Variants in DPYD observed in about 807,000 individuals in gnomAD.
DPYD encodes dihydropyrimidine dehydrogenase [NADP(+)].
In DPYD, 109 loss-of-function variants were observed where a neutral mutation model predicts 116.2. The observed-to-expected ratio is 0.94, with a 90% CI of 0.80 to 1.10. The LOEUF is 1.10. Among genes scored for constraint, DPYD ranks in the 50% least tolerant of loss-of-function variants. The probability of loss-of-function intolerance (pLI) is 0.00; values close to 1 mark genes in which losing one functional copy is unlikely to be tolerated. For missense variants in DPYD, 1,302 were observed against 1,254.5 expected (o/e 1.04, Z -0.57); for synonymous variants, 440 against 432.0 (o/e 1.02, Z -0.23).
intron 8 of DPYD, among the ~76,000 whole-genome samples, chr1:97,600,705 T>C (rs1655195147): frequency 6.6e-6 from 1 of 152,200 alleles, no homozygotes. Flanking sequence ...TGCACAGATG[T>C]GAAATAAATG....
intron 20 of DPYD, among the ~76,000 whole-genome samples, chr1:97,180,428 C>T (rs1657569641): frequency 6.6e-6 from 1 of 151,996 alleles, no homozygotes; most frequent in Non-Finnish European, 1.5e-5. Flanking sequence ...TTCTTTACTC[C>T]ATAAAATGAG....
chr1:97,137,641 T>C (rs1653912330), intron 20 of DPYD, among the ~76,000 whole-genome samples: 1 of 152,210 alleles, frequency 6.6e-6, no homozygotes, highest in South Asian at 2.1e-4. Flanking sequence ...TACTTTAATA[T>C]TGCTGGTTTG....
intron 13 of DPYD, among the ~76,000 whole-genome samples, chr1:97,491,228 T>C (rs1678958660): frequency 6.8e-6 from 1 of 147,980 alleles, no homozygotes. Context: ...TTGTATATTA[T>C]ATACCACTAA....
At chr1:97,173,291 T>C (rs5027690) in intron 20 of DPYD, among the ~76,000 whole-genome samples, 10,361 of 87,660 alleles carry the variant, frequency 0.12, 455 homozygotes, top group Non-Finnish European at 0.15. Flanking sequence ...CACATATATG[T>C]ACACATATGT....
chr1:97,397,064 C>T (rs1053555823), intron 14 of DPYD, among the ~76,000 whole-genome samples: 1 of 152,032 alleles, frequency 6.6e-6, no homozygotes, highest in African/African-American at 2.4e-5. Flanking sequence ...TCATTTGGTG[C>T]AGGATTGCCT....
At chr1:97,574,336 AAAAT>A (rs1391164098) in intron 10 of DPYD, among the ~76,000 whole-genome samples, 4 of 152,112 alleles carry the variant, frequency 2.6e-5, no homozygotes, top group Non-Finnish European at 5.9e-5. Flanking sequence ...GCTGCATATT[AAAAT>A]AAATACTTCT....
intron 16 of DPYD, among the ~76,000 whole-genome samples, chr1:97,334,025 T>C (rs1248695417): frequency 6.6e-6 from 1 of 152,204 alleles, no homozygotes; most frequent in Non-Finnish European, 1.5e-5. Context: ...GTTCTGTTTC[T>C]ATAGACTCAT....
chr1:97,675,858 C>T (rs193166493), intron 8 of DPYD, among the ~76,000 whole-genome samples: 2 of 151,662 alleles, frequency 1.3e-5, no homozygotes, highest in Middle Eastern at 3.4e-3. Context: ...AAGCGATTCT[C>T]CTGCTTCAGC....
chr1:97,344,676 C>T (rs1348951867), intron 16 of DPYD, among the ~76,000 whole-genome samples: 2 of 151,656 alleles, frequency 1.3e-5, no homozygotes, highest in East Asian at 3.9e-4. Flanking sequence ...AGAGATCTAT[C>T]TCACTGTTTT....
intron 1 of DPYD, among the ~76,000 whole-genome samples, chr1:97,901,472 G>T (rs1353685831): frequency 6.6e-6 from 1 of 151,802 alleles, no homozygotes; most frequent in Non-Finnish European, 1.5e-5. Flanking sequence ...CAAATGAAAA[G>T]AAAGAGACAA....
chr1:97,748,394 G>A (rs1472926277), intron 3 of DPYD, among the ~76,000 whole-genome samples: 1 of 152,094 alleles, frequency 6.6e-6, no homozygotes, highest in African/African-American at 2.4e-5. Flanking sequence ...GGATCACGTG[G>A]TCAGGAGATA....
chr1:97,866,819 C>T (rs1363011106), intron 2 of DPYD, among the ~76,000 whole-genome samples: 1 of 151,690 alleles, frequency 6.6e-6, no homozygotes, highest in Middle Eastern at 3.2e-3. Context: ...GTATATAAAA[C>T]AACATAAAGA....
intron 8 of DPYD, among the ~76,000 whole-genome samples, chr1:97,649,873 G>A (rs573818544): frequency 3.0e-4 from 46 of 152,168 alleles, no homozygotes; most frequent in African/African-American, 1.1e-3. Context: ...TTGTATGCCT[G>A]GATAGATTAG....
At chr1:97,193,339 T>A in intron 19 of DPYD, 91 bp from the exon 20 acceptor site, 1 of 1,344,102 alleles carries the variant, frequency 7.4e-7, no homozygotes, top group Non-Finnish European at 1.0e-6. Context: ...AATATTTATT[T>A]TATGTGCCAG....
At chr1:97,673,937 C>T (rs1660007609) in intron 8 of DPYD, among the ~76,000 whole-genome samples, 1 of 152,162 alleles carries the variant, frequency 6.6e-6, no homozygotes. Context: ...TTCAGAATGG[C>T]TGAATCACAT....
chr1:97,518,805 A>G (rs1192689888), intron 12 of DPYD, among the ~76,000 whole-genome samples: 19 of 152,194 alleles, frequency 1.2e-4, no homozygotes, highest in Admixed American at 1.2e-3. Flanking sequence ...CTATGCTAGT[A>G]TCAGAAATGA....
intron 8 of DPYD, among the ~76,000 whole-genome samples, chr1:97,664,306 G>A (rs1224441603): frequency 1.3e-5 from 2 of 151,842 alleles, no homozygotes; most frequent in African/African-American, 4.8e-5. Flanking sequence ...ATATATATGT[G>A]TGTGTATGTG....
At chr1:97,332,692 A>C (rs1669075082) in intron 16 of DPYD, among the ~76,000 whole-genome samples, 1 of 152,196 alleles carries the variant, frequency 6.6e-6, no homozygotes, top group South Asian at 2.1e-4. Context: ...GTAAATCACA[A>C]ACTCTGGAAA....
intron 3 of DPYD, among the ~76,000 whole-genome samples, chr1:97,760,103 T>C (rs891917976): frequency 4.6e-5 from 7 of 152,082 alleles, no homozygotes; most frequent in Admixed American, 6.6e-5. Flanking sequence ...AGGCATAGAA[T>C]ATAGAAGTAC....
Sources: gnomAD v4.1 joint callset for allele counts (sites outside exome capture counted in the v4.1 genomes callset) on GRCh38, gnomAD v4.1.1 for gene constraint, MANE v1.5 for transcripts, NCBI Gene and HGNC (gene_info 2026-07-23, HGNC 2026-07-21) for gene names.